Variants in TP53I3 observed in about 807,000 individuals in gnomAD.
TP53I3 encodes tumor protein p53 inducible protein 3.
In TP53I3, 32 loss-of-function variants were observed where a neutral mutation model predicts 27.7. The observed-to-expected ratio is 1.16, with a 90% CI of 0.87 to 1.55. The LOEUF is 1.55. Ranked by LOEUF, TP53I3 falls within the 40% of genes most tolerant of loss-of-function variation. TP53I3 has a pLI of 0.00. For missense variants in TP53I3, 372 were observed against 412.3 expected, an observed-to-expected ratio of 0.90 and a Z score of 0.85; for synonymous variants, 138 against 167.8, an observed-to-expected ratio of 0.82 and a Z score of 1.37.
rs1664917426 is a variant in TP53I3, at chr2:24,079,693, A to AC, written c.620-54dup. ...TAGTCAGCTTGGTGCTAAATAAGAT[A>AC]CCATGGTATATTTGGGGATTATGGA... On this transcript the variant is annotated intron_variant, in intron 3 of 4. Transcript: ENST00000238721. 4 of 1,551,762 alleles carry AC rather than the reference A, an allele frequency of 2.6e-6. No individual in the cohort carries two copies. In the South Asian group the frequency reaches 4.5e-5, roughly 17 times the overall value.
rs370139617 is a variant in TP53I3, at chr2:24,082,915, G to T, written c.376C>A (p.Leu126Ile). 1.2e-5 allele frequency: 19 copies of T among 1,612,066 alleles called. 1 individual carries two copies. In the South Asian group the frequency reaches 2.1e-4, roughly 18 times the overall value. Residue 126 changes from leucine (L) to isoleucine (I), a missense_variant, in exon 2 of 5, where the codon CTC (leucine) becomes ATC (isoleucine). By Grantham distance (5) the Leu-to-Ile change is conservative. Transcript: ENST00000238721. ...TQAAAIPEAWLTAFQLLHLVG... is the reference protein window; with the variant it reads ...TQAAAIPEAWITAFQLLHLVG... Reference sequence around the variant, plus strand: ...AGATGTAACAGCTGGAAGGCGGTGAGCCAGGCCTCTGGGATGGCTGCAGCC... The same window carrying T: ...AGATGTAACAGCTGGAAGGCGGTGATCCAGGCCTCTGGGATGGCTGCAGCC...
intron 2 of TP53I3, among the ~76,000 whole-genome samples, chr2:24,081,415 C>T (rs1664996783): frequency 6.6e-6 from 1 of 152,222 alleles, no homozygotes; most frequent in African/African-American, 2.4e-5. Context: ...CCCATGGTCA[C>T]CACCGAAAGC....
In TP53I3 at chr2:24,081,975, G is replaced by A. The variant is rs183075274; in HGVS notation, c.406+910C>T. On this transcript the variant is annotated intron_variant, in intron 2 of 4. Transcript: ENST00000238721. ...CGCCCAAAGTGCTGGGATTACAGGCGTGAGCCACCACGCCCAGCCTACTCT... is the reference window on the plus strand; with the variant it reads ...CGCCCAAAGTGCTGGGATTACAGGCATGAGCCACCACGCCCAGCCTACTCT... Among the ~76,000 whole-genome samples the A allele has an allele frequency of 3.3e-5, 5 of 151,920 alleles. No individual in the cohort carries two copies. The East Asian group carries it at 5.8e-4, about 18-fold the overall frequency.
chr2:24,082,949 G>A lies in TP53I3; in HGVS notation c.342C>T (p.Thr114=). The part of the protein sequence containing the change: ...GLLMPIPEGL[T]LTQAAAIPEA... ...CTGGGATGGCTGCAGCCTGGGTCAGGGTCAATCCCTCTGGGATAGGCATGA... is the reference window on the plus strand; with the variant it reads ...CTGGGATGGCTGCAGCCTGGGTCAGAGTCAATCCCTCTGGGATAGGCATGA... The change falls in exon 2 of 5, where the codon ACC becomes ACT. Residue 114 remains threonine, a synonymous_variant. Coordinates refer to ENST00000238721, the MANE Select transcript of TP53I3 (RefSeq NM_004881.5). 6.2e-7 allele frequency: 1 copy of A among 1,613,938 alleles called. No homozygotes were observed.
chr2:24,084,529 G>GCTC lies in TP53I3; in HGVS notation c.-206_-204dup. On this transcript the variant is annotated 5_prime_UTR_variant, in exon 1 of 5. Coordinates refer to ENST00000238721, the MANE Select transcript of TP53I3 (RefSeq NM_004881.5). This position sits in a 1 kb window ranked among gnomAD's most constrained non-coding sequence, Gnocchi z 8.4. ...GCCGCGGACCCGGCCTCCGCCCCGA[G>GCTC]CTCCTGCCTGGGAAGTCCTCGGCCG... The GCTC allele has an allele frequency of 1.5e-6, 1 of 670,358 alleles. No individual in the cohort carries two copies. The highest frequency in any genetic ancestry group is 2.5e-5 in the South Asian group (1 of 40,638). 41.5% of individuals were successfully genotyped at this position (670,358 alleles called of 1,614,324 possible).
intron 2 of TP53I3, among the ~76,000 whole-genome samples, chr2:24,081,807 T>C (rs1665016529): frequency 6.6e-6 from 1 of 151,174 alleles, no homozygotes; most frequent in African/African-American, 2.4e-5. Context: ...GCCATTCTCT[T>C]GCCTCAGCTT....
Position 24,079,504 on chromosome 2 carries a change from T to C in TP53I3, c.756A>G (p.Ser252=), listed in dbSNP as rs978440158. The C allele has an allele frequency of 3.1e-6, 5 of 1,614,022 alleles. No individual in the cohort carries two copies. In the African/African-American group the frequency reaches 6.7e-5, roughly 22 times the overall value. The change falls in exon 4 of 5, where the codon TCA becomes TCG. Residue 252 remains serine (S), a synonymous_variant. Transcript: ENST00000238721. ...GGGDINGPLF[S]KLLFKRGSLI... ...GACTTCCTCGCTTAAAAAGTAGCTT[T>C]GAAAACAGGGGCCCATTGATGTCAC...
Position 24,084,619 on chromosome 2 carries a change from C to A in TP53I3, c.-293G>T. 2.8e-6 allele frequency: 1 copy of A among 362,292 alleles called. No homozygotes were observed. The highest frequency in any genetic ancestry group is 5.5e-5 in the South Asian group (1 of 18,088). The allele number at this position is 362,292 out of a possible 1,614,324, so 22.4% of individuals were successfully genotyped here. ...CGGGAAGTGGGATGGCGGTACAGGG[C>A]TGGATGCGGCAGAGCAGGACAACGC... On this transcript the variant is annotated 5_prime_UTR_variant, in exon 1 of 5. Coordinates refer to ENST00000238721, the MANE Select transcript of TP53I3 (RefSeq NM_004881.5). The surrounding 1 kb of genome is among the most constrained non-coding windows in gnomAD (Gnocchi z 8.4).
rs1193526211 is a variant in TP53I3 at position 24,077,937 on chromosome 2, T to C, written c.817-176A>G. On this transcript the variant is annotated intron_variant, in intron 4 of 4. Coordinates refer to ENST00000238721, the MANE Select transcript of TP53I3 (RefSeq NM_004881.5). The surrounding 1 kb of genome is among the most constrained non-coding windows in gnomAD (Gnocchi z 5.5). ...ATACCCTTGAAGGAGTCATGTGCCA[T>C]CTCAGAATATGTCCGATAGGTATAT... 6.6e-6 allele frequency among the ~76,000 whole-genome samples: 1 copy of C among 152,170 alleles called. No homozygotes were observed. Among genetic ancestry groups the C allele is most frequent in the East Asian group, 1.9e-4 (1 of 5,194 alleles).
chr2:24,082,689 G>A (rs1665056603), intron 2 of TP53I3, among the ~76,000 whole-genome samples, 196 bp downstream of exon 2: 1 of 152,116 alleles, frequency 6.6e-6, no homozygotes, highest in Admixed American at 6.5e-5. Context: ...CCTATCTAGT[G>A]TTATCCAGAC....
chr2:24,083,207 C>G, intron 1 of TP53I3, 55 bp from the exon 2 acceptor site: 10 of 1,505,206 alleles, frequency 6.6e-6, no homozygotes, highest in Non-Finnish European at 8.9e-6. Context: ...CTGTATGTCA[C>G]TACCCCTGGC....
At position 24,082,963 on chromosome 2, in the gene TP53I3, G is replaced by C. The variant is rs1453751410; in HGVS notation, c.328C>G (p.Pro110Ala). The change falls in exon 2 of 5, where the codon CCA (proline) becomes GCA (alanine). Residue 110 changes from proline (P) to alanine (A), a missense_variant. By Grantham distance (27) the Pro-to-Ala change is conservative. Coordinates refer to ENST00000238721, the MANE Select transcript of TP53I3 (RefSeq NM_004881.5). ...GCCTGGGTCAGGGTCAATCCCTCTG[G>C]GATAGGCATGAGGAGCCCTTCGGGG... ...TVPEGLLMPI[P>A]EGLTLTQAAA... is the part of the protein sequence containing the mutation. 6.2e-7 allele frequency: 1 copy of C among 1,614,108 alleles called. No individual in the cohort carries two copies. Among genetic ancestry groups the C allele is most frequent in the Non-Finnish European group, 8.5e-7 (1 of 1,180,020 alleles).
chr2:24,084,140 G>T lies in TP53I3; in HGVS notation c.138+49C>A. On this transcript the variant is annotated intron_variant, in intron 1 of 4. Transcript: ENST00000238721. This position sits in a 1 kb window ranked among gnomAD's most constrained non-coding sequence, Gnocchi z 8.4. Reference sequence around the variant, plus strand: ...CAATGTCCACTGAGTGCTGTTGAGAGGGAGGCTCTGGAGTCCCGCCCGCCC... The same window carrying T: ...CAATGTCCACTGAGTGCTGTTGAGATGGAGGCTCTGGAGTCCCGCCCGCCC... 6.4e-7 allele frequency: 1 copy of T among 1,572,224 alleles called. No individual in the cohort carries two copies. Among genetic ancestry groups the T allele is most frequent in the East Asian group, 2.2e-5 (1 of 44,534 alleles).
Position 24,082,954 on chromosome 2 carries a change from A to G in TP53I3, c.337T>C (p.Leu113=), listed in dbSNP as rs139475023. 495 of 1,614,048 alleles carry G rather than the reference A, an allele frequency of 3.1e-4. 1 individual carries two copies. The highest frequency in any genetic ancestry group is 1.2e-3 in the Middle Eastern group (7 of 5,950). Residue 113 remains leucine, a synonymous_variant, in exon 2 of 5, where the codon TTG becomes CTG. Coordinates refer to ENST00000238721, the MANE Select transcript of TP53I3 (RefSeq NM_004881.5). Reference sequence around the variant, plus strand: ...ATGGCTGCAGCCTGGGTCAGGGTCAATCCCTCTGGGATAGGCATGAGGAGC... The same window carrying G: ...ATGGCTGCAGCCTGGGTCAGGGTCAGTCCCTCTGGGATAGGCATGAGGAGC... ...EGLLMPIPEG[L]TLTQAAAIPE... is the part of the protein sequence containing the mutation.
Position 24,077,751 on chromosome 2 carries a change from A to G in TP53I3, c.827T>C (p.Met276Thr). Residue 276 changes from methionine to threonine, a missense_variant, in exon 5 of 5, where the codon ATG becomes ACG. Met to Thr is a moderately conservative substitution (Grantham distance 81, BLOSUM62 -1). Coordinates refer to ENST00000238721, the MANE Select transcript of TP53I3 (RefSeq NM_004881.5). This position sits in a 1 kb window ranked among gnomAD's most constrained non-coding sequence, Gnocchi z 5.5. ...LRSRDNKYKQ[M>T]LVNAFTEQIL... ...TTGCTCCGTGAAAGCATTCACCAGC[A>G]TTTGCTTGTACTAAGACAAGGGAAA... is the stretch of plus-strand genomic sequence containing the variant. 1 of 1,613,456 alleles carries G rather than the reference A, an allele frequency of 6.2e-7. No individual in the cohort carries two copies. Among genetic ancestry groups the G allele is most frequent in the Non-Finnish European group, 8.5e-7 (1 of 1,179,588 alleles).
Position 24,077,537 on chromosome 2 carries a change from A to C in TP53I3, c.*42T>G, listed in dbSNP as rs1664803345. 2 of 1,570,446 alleles carry C rather than the reference A, an allele frequency of 1.3e-6. No homozygotes were observed. Among genetic ancestry groups the C allele is most frequent in the Non-Finnish European group, 8.6e-7 (1 of 1,160,208 alleles). ...TGAATCTTCTCCAGGTTTGCTCTGG[A>C]AAGGCCTGGGGTGGCCGCGTCCTGT... On this transcript the variant is annotated 3_prime_UTR_variant, in exon 5 of 5. Coordinates refer to ENST00000238721, the MANE Select transcript of TP53I3 (RefSeq NM_004881.5). The surrounding 1 kb of genome is among the most constrained non-coding windows in gnomAD (Gnocchi z 5.5).
rs111696183 is a variant in TP53I3, at chr2:24,084,188, C to G, written c.138+1G>C. ...CCCCGGCGCGGCTGAGCCCTGGGTA[C>G]CTGCATTAAGTCCGCCCGGTTCAGG... On this transcript the variant is annotated splice_donor_variant, in intron 1 of 4. Coordinates refer to ENST00000238721, the MANE Select transcript of TP53I3 (RefSeq NM_004881.5). LOFTEE classifies it high-confidence loss of function. The surrounding 1 kb of genome is among the most constrained non-coding windows in gnomAD (Gnocchi z 8.4). 6.2e-7 allele frequency: 1 copy of G among 1,610,966 alleles called. No individual in the cohort carries two copies. The highest frequency in any genetic ancestry group is 2.2e-5 in the East Asian group (1 of 44,822).
rs768676044 is a variant in TP53I3, at chr2:24,083,044, C to G, written c.247G>C (p.Gly83Arg). 6 of 1,614,148 alleles carry G rather than the reference C, an allele frequency of 3.7e-6. No individual in the cohort carries two copies. In the South Asian group the frequency reaches 6.6e-5, roughly 18 times the overall value. ...GGGAGCAGAGCCATGGCTGTGTCCC[C>G]GATCTTCCAGTGTCCCTGGCAGCCA... ...GPGCQGHWKI[G>R]DTAMALLPGG... Residue 83 changes from glycine (G) to arginine (R), a missense_variant, in exon 2 of 5, where the codon GGG becomes CGG. Physicochemically the swap from Gly to Arg is moderately radical, Grantham distance 125 (BLOSUM62 -2). Transcript: ENST00000238721.
Position 24,080,652 on chromosome 2 carries a change from G to T in TP53I3, c.619+167C>A, listed in dbSNP as rs1480174572. The T allele has an allele frequency of 2.8e-6, 2 of 725,376 alleles. No homozygotes were observed. Among genetic ancestry groups the T allele is most frequent in the East Asian group, 2.5e-5 (1 of 40,530 alleles). The allele number at this position is 725,376 out of a possible 1,614,324, so 44.9% of individuals were successfully genotyped here. Reference sequence around the variant, plus strand: ...AACCATCTTAGATTTAAATATGACTGCCTGTCTCCAGTGGTCAAATACCAT... The same window carrying T: ...AACCATCTTAGATTTAAATATGACTTCCTGTCTCCAGTGGTCAAATACCAT... On this transcript the variant is annotated intron_variant, in intron 3 of 4. Coordinates refer to ENST00000238721, the MANE Select transcript of TP53I3 (RefSeq NM_004881.5). The surrounding 1 kb of genome is among the most constrained non-coding windows in gnomAD (Gnocchi z 4.7).
Sources: gnomAD v4.1 joint callset for allele counts (sites outside exome capture counted in the v4.1 genomes callset) on GRCh38, gnomAD v4.1.1 for gene constraint, Gnocchi (gnomAD v3.1) non-coding constraint, MANE v1.5 for transcripts, NCBI Gene and HGNC (gene_info 2026-07-23, HGNC 2026-07-21) for gene names.